The following HOOK3 variants were observed in gnomAD, a reference collection of about 807,000 sequenced individuals.
The protein encoded by HOOK3 is hook microtubule tethering protein 3, also known as protein Hook homolog 3.
A neutral mutation model predicts 116.3 loss-of-function variants in HOOK3; 24 were observed. That is an observed-to-expected ratio of 0.21 (90% confidence interval 0.15 to 0.29). The LOEUF is 0.29. Ranked by LOEUF, HOOK3 falls within the 10% of genes least tolerant of loss-of-function variation. The probability of loss-of-function intolerance (pLI) is 1.00; values close to 1 mark genes in which losing one functional copy is unlikely to be tolerated. For synonymous variants in HOOK3, 275 were observed against 283.0 expected (o/e 0.97, Z 0.28); for missense variants, 632 against 830.2 (o/e 0.76, Z 2.93).
chr8:42,969,555 T>G (rs1046280062), intron 11 of HOOK3, among the ~76,000 whole-genome samples: 5 of 152,190 alleles, frequency 3.3e-5, no homozygotes, highest in African/African-American at 1.2e-4. Flanking sequence ...AGCCTGGGCC[T>G]CAGAGGCTAC....
intron 15 of HOOK3, among the ~76,000 whole-genome samples, chr8:42,987,473 C>G (rs995493285): frequency 2.0e-5 from 3 of 152,156 alleles, no homozygotes; most frequent in Non-Finnish European, 4.4e-5. Flanking sequence ...ATAGAGTTTA[C>G]CATTTCCACA....
chr8:42,998,788 C>A (rs1809328416), intron 16 of HOOK3, among the ~76,000 whole-genome samples: 1 of 152,124 alleles, frequency 6.6e-6, no homozygotes, highest in Non-Finnish European at 1.5e-5. Flanking sequence ...AAAACTGTCA[C>A]CAACATTTAA....
At chr8:42,913,577 T>G (rs1419950276) in intron 2 of HOOK3, among the ~76,000 whole-genome samples, 3 of 152,242 alleles carry the variant, frequency 2.0e-5, no homozygotes, top group African/African-American at 7.2e-5. Context: ...CTTTGAACAT[T>G]AGTGTACAAT....
intron 2 of HOOK3, among the ~76,000 whole-genome samples, chr8:42,920,620 C>G (rs1807638641): frequency 6.6e-6 from 1 of 152,146 alleles, no homozygotes; most frequent in Non-Finnish European, 1.5e-5. Flanking sequence ...CTACTTGTGA[C>G]CTAGTTTACA....
chr8:42,928,521 A>G lies in HOOK3; in HGVS notation c.217-1601A>G, dbSNP rs528398258. On this transcript the variant is annotated intron_variant, in intron 3 of 21. Transcript: ENST00000307602. ...AATTTATGATGTTTCAAATAATGCTACTGATCATTTTGTGTCTGCTTACTG... is the reference window on the plus strand; with the variant it reads ...AATTTATGATGTTTCAAATAATGCTGCTGATCATTTTGTGTCTGCTTACTG... Among the ~76,000 whole-genome samples, 327 of 152,294 alleles carry G rather than the reference A, an allele frequency of 2.1e-3. 1 individual carries two copies. Among genetic ancestry groups the G allele is most frequent in the Non-Finnish European group, 2.2e-3 (152 of 68,010 alleles).
At chr8:42,965,235 G>A (rs930914360) in intron 9 of HOOK3, among the ~76,000 whole-genome samples, 1 of 152,214 alleles carries the variant, frequency 6.6e-6, no homozygotes, top group African/African-American at 2.4e-5. Context: ...TTCAAAATAA[G>A]CACATCTTCG....
At chr8:42,920,895 A>G (rs1376768453) in intron 2 of HOOK3, among the ~76,000 whole-genome samples, 2 of 152,202 alleles carry the variant, frequency 1.3e-5, no homozygotes, top group Non-Finnish European at 2.9e-5. Context: ...CTGATATAAT[A>G]CAGATGTTAC....
At chr8:42,951,913 C>T (rs998060683) in intron 6 of HOOK3, among the ~76,000 whole-genome samples, 2 of 151,074 alleles carry the variant, frequency 1.3e-5, no homozygotes, top group African/African-American at 2.4e-5. Context: ...TGTACTCCAG[C>T]GTGGCGACAG....
chr8:42,909,347 A>G (rs1282047958), intron 2 of HOOK3, among the ~76,000 whole-genome samples: 1 of 152,234 alleles, frequency 6.6e-6, no homozygotes, highest in African/African-American at 2.4e-5. Context: ...GCACTTCCAC[A>G]TTTCTTGCAG....
chr8:42,966,283 C>T (rs914159035), intron 9 of HOOK3, among the ~76,000 whole-genome samples, 190 bp from the exon 10 acceptor site: 9 of 152,096 alleles, frequency 5.9e-5, no homozygotes, highest in Non-Finnish European at 1.2e-4. Context: ...TGTCACCGTT[C>T]CCAAGACTTG....
chr8:42,921,997 A>G (rs1352693005), intron 2 of HOOK3, among the ~76,000 whole-genome samples: 2 of 152,202 alleles, frequency 1.3e-5, no homozygotes, highest in Admixed American at 6.5e-5. Flanking sequence ...TCTCTTAATA[A>G]CACAAAAGAA....
At chr8:42,932,976 A>G (rs1807900632) in intron 4 of HOOK3, among the ~76,000 whole-genome samples, 1 of 152,172 alleles carries the variant, frequency 6.6e-6, no homozygotes, top group South Asian at 2.1e-4. Context: ...TATGTGTTAT[A>G]CTTCATAAAC....
chr8:42,958,054 G>A (rs1654442129), intron 7 of HOOK3, among the ~76,000 whole-genome samples: 2 of 152,114 alleles, frequency 1.3e-5, no homozygotes, highest in South Asian at 4.1e-4. Context: ...GGATGGTCTC[G>A]ATCTCCTGAC....
chr8:42,913,774 C>T (rs973908479), intron 2 of HOOK3, among the ~76,000 whole-genome samples: 2 of 152,166 alleles, frequency 1.3e-5, no homozygotes, highest in African/African-American at 4.8e-5. Context: ...CACAGTCTCA[C>T]CAACACTTGC....
At chr8:42,914,864 C>T (rs117678072) in intron 2 of HOOK3, among the ~76,000 whole-genome samples, 102 of 152,310 alleles carry the variant, frequency 6.7e-4, no homozygotes, top group Admixed American at 3.1e-3. Context: ...TGCCTGTAAT[C>T]CCAGCACTTT....
intron 4 of HOOK3, among the ~76,000 whole-genome samples, chr8:42,941,670 T>A (rs1343142080): frequency 6.6e-6 from 1 of 152,114 alleles, no homozygotes; most frequent in Admixed American, 6.5e-5. Context: ...ATTCAATTTG[T>A]TTTCCTTATT....
At position 43,029,971 on chromosome 8, in the gene HOOK3, A is replaced by G. The variant is rs892154720; in HGVS notation, c.*11473A>G. On this transcript the variant is annotated 3_prime_UTR_variant, in exon 22 of 22. Transcript: ENST00000307602. Reference sequence around the variant, plus strand: ...AAAGGATATTGCTAGGTATATTCTTATTTCTGATTGAGTATTGAATTTACA... The same window carrying G: ...AAAGGATATTGCTAGGTATATTCTTGTTTCTGATTGAGTATTGAATTTACA... 3.7e-5 allele frequency: 8 copies of G among 214,002 alleles called. No homozygotes were observed. The highest frequency in any genetic ancestry group is 7.5e-5 in the Non-Finnish European group (8 of 106,088). The allele number at this position is 214,002 out of a possible 1,614,324, so 13.3% of individuals were successfully genotyped here. A position where few individuals can be genotyped will look rare whatever the true frequency, so the allele number is the denominator to read the frequency against.
In HOOK3 at chr8:43,028,369, A is replaced by C. The variant is rs1809970858; in HGVS notation, c.*9871A>C. ...AGACCCCTGTCTCTAAAAAAAAATAATATAAATTGATGTTATATAGTTAAC... is the reference window on the plus strand; with the variant it reads ...AGACCCCTGTCTCTAAAAAAAAATACTATAAATTGATGTTATATAGTTAAC... On this transcript the variant is annotated 3_prime_UTR_variant, in exon 22 of 22. Transcript: ENST00000307602. The C allele has an allele frequency of 5.5e-6, 1 of 182,392 alleles. No homozygotes were observed. Among genetic ancestry groups the C allele is most frequent in the Admixed American group, 6.3e-5 (1 of 15,950 alleles). The allele number at this position is 182,392 out of a possible 1,614,324, so 11.3% of individuals were successfully genotyped here. A position where few individuals can be genotyped will look rare whatever the true frequency, so the allele number is the denominator to read the frequency against.
intron 4 of HOOK3, among the ~76,000 whole-genome samples, chr8:42,930,856 A>G (rs1302657554): frequency 6.6e-6 from 1 of 152,144 alleles, no homozygotes; most frequent in African/African-American, 2.4e-5. Flanking sequence ...CAAACCTTCA[A>G]AATAGATCTT....
Sources: gnomAD v4.1 joint callset for allele counts (sites outside exome capture counted in the v4.1 genomes callset) on GRCh38, gnomAD v4.1.1 for gene constraint, MANE v1.5 for transcripts, NCBI Gene and HGNC (gene_info 2026-07-23, HGNC 2026-07-21) for gene names.